CPEB2: variants seen among roughly 807,000 people sequenced by gnomAD.
The protein encoded by CPEB2 is cytoplasmic polyadenylation element binding protein 2, also known as cytoplasmic polyadenylation element-binding protein 2.
Under a neutral mutation model 93.6 loss-of-function variants are expected in CPEB2, and 56 were observed. The ratio of observed to expected loss-of-function variants is 0.60; its 90% CI spans 0.48 to 0.75. CPEB2 has a LOEUF of 0.75. CPEB2 is among the 30% of genes least tolerant of loss of function. CPEB2 has a pLI of 0.00. For synonymous variants in CPEB2, 764 were observed against 586.3 expected (o/e 1.30, Z -4.38); for missense variants, 1,579 against 1,395.1 (o/e 1.13, Z -2.10).
intron 4 of CPEB2, among the ~76,000 whole-genome samples, chr4:15,018,969 T>TATATATATATATATATATAC (rs1479960595): frequency 1.4e-4 from 20 of 139,170 alleles, no homozygotes; most frequent in Non-Finnish European, 2.3e-4. Flanking sequence ...TATATATATA[T>TATATATATATATATATATAC]ACACACGCAC....
At chr4:15,033,072 G>T in intron 4 of CPEB2, 89 bp from the exon 5 acceptor site, 1 of 835,876 alleles carries the variant, frequency 1.2e-6, no homozygotes, top group Non-Finnish European at 2.0e-6. Flanking sequence ...TTCTCTTTAT[G>T]CTGCCTTTGT....
chr4:15,007,621 G>A (rs1723000426), intron 2 of CPEB2, 35 bp downstream of exon 2: 1 of 1,361,150 alleles, frequency 7.3e-7, no homozygotes, highest in Non-Finnish European at 9.8e-7. Context: ...TATCTCTAAT[G>A]TTAATCTTTC....
intron 6 of CPEB2, among the ~76,000 whole-genome samples, chr4:15,051,916 A>T (rs151268846): frequency 2.0e-5 from 3 of 152,350 alleles, no homozygotes; most frequent in Non-Finnish European, 4.4e-5. Flanking sequence ...CTACTGTTTC[A>T]TGTAATTGGC....
intron 4 of CPEB2, among the ~76,000 whole-genome samples, chr4:15,029,967 T>TA (rs1024213170): frequency 1.8e-4 from 28 of 152,098 alleles, no homozygotes; most frequent in African/African-American, 6.5e-4. Context: ...GGGGTACACT[T>TA]ACCTACAAGA....
chr4:15,048,942 C>T (rs1418397815), intron 6 of CPEB2, among the ~76,000 whole-genome samples: 1 of 151,908 alleles, frequency 6.6e-6, no homozygotes, highest in Non-Finnish European at 1.5e-5. Flanking sequence ...AAAGGTCAGA[C>T]TTTGTCAATG....
Position 15,003,812 on chromosome 4 carries a change from G to A in CPEB2, c.1139G>A (p.Gly380Asp). Residue 380 changes from glycine (G) to aspartate (D), a missense_variant, in exon 1 of 12, where the codon GGC becomes GAC. Physicochemically the swap from Gly to Asp is moderately conservative, Grantham distance 94. This residue lies in a region of CPEB2 where 1,411 missense variants were observed against 1,056.0 expected (regional missense o/e 1.34). Transcript: ENST00000538197. Reference sequence around the variant, plus strand: ...TCGCCGCCGCCGCTGCCCGGCTTCGGCACCCCCTGGTCGGTGCAGACCGCG... The same window carrying A: ...TCGCCGCCGCCGCTGCCCGGCTTCGACACCCCCTGGTCGGTGCAGACCGCG... ...SASPPPLPGF[G>D]TPWSVQTASP... The A allele has an allele frequency of 3.0e-6, 3 of 994,740 alleles. No individual in the cohort carries two copies. Among genetic ancestry groups the A allele is most frequent in the Middle Eastern group, 3.8e-4 (1 of 2,606 alleles). 61.6% of individuals were successfully genotyped at this position (994,740 alleles called of 1,614,324 possible).
At chr4:15,041,201 C>T (rs1214816773) in intron 6 of CPEB2, among the ~76,000 whole-genome samples, 1 of 152,058 alleles carries the variant, frequency 6.6e-6, no homozygotes, top group Admixed American at 6.6e-5. Context: ...TTTGCTTCTC[C>T]CTTTTCCATG....
At chr4:15,034,664 G>C (rs560474899) in intron 5 of CPEB2, among the ~76,000 whole-genome samples, 4 of 152,246 alleles carry the variant, frequency 2.6e-5, no homozygotes, top group African/African-American at 9.6e-5. Context: ...ATCAGGAAAA[G>C]AAACAATTTG....
chr4:15,049,162 G>A (rs1727992215), intron 6 of CPEB2, among the ~76,000 whole-genome samples: 1 of 151,924 alleles, frequency 6.6e-6, no homozygotes, highest in Admixed American at 6.6e-5. Flanking sequence ...TGAATACTAA[G>A]TAATATTTTA....
At chr4:15,025,027 G>GTAATT (rs1182860354) in intron 4 of CPEB2, among the ~76,000 whole-genome samples, 4 of 152,064 alleles carry the variant, frequency 2.6e-5, no homozygotes, top group African/African-American at 9.7e-5. Context: ...TTACAGGCAT[G>GTAATT]AGCCACCATG....
intron 3 of CPEB2, among the ~76,000 whole-genome samples, chr4:15,008,872 T>C (rs563484208): frequency 6.6e-6 from 1 of 152,336 alleles, no homozygotes; most frequent in Non-Finnish European, 1.5e-5. Flanking sequence ...AAAAAAGACT[T>C]CTCTTGGTTC....
Position 15,066,355 on chromosome 4 carries a change from G to A in CPEB2, c.3080G>A (p.Arg1027His), listed in dbSNP as rs1174033932. ...GTAAAGGAAGGTGCTGATCGCCCAC[G>A]TCAGATCCACTTCCGCTGGAACTAA... ...PLVKEGADRP[R>H]QIHFRWN The change falls in exon 12 of 12, where the codon CGT becomes CAT. Residue 1027 changes from arginine (R) to histidine (H), a missense_variant. By Grantham distance (29) the Arg-to-His change is conservative (BLOSUM62 0). Around this residue, in one of 2 missense-constraint regions of CPEB2, gnomAD observed 168 missense variants for 339.1 expected, o/e 0.50. Coordinates refer to ENST00000538197, the MANE Select transcript of CPEB2 (RefSeq NM_001177382.2). 8 of 1,609,446 alleles carry A rather than the reference G, an allele frequency of 5.0e-6. No individual in the cohort carries two copies. Among genetic ancestry groups the A allele is most frequent in the African/African-American group, 1.3e-5 (1 of 74,784 alleles).
intron 6 of CPEB2, among the ~76,000 whole-genome samples, chr4:15,047,720 AT>A (rs936237566): frequency 3.3e-4 from 50 of 151,836 alleles, no homozygotes; most frequent in Non-Finnish European, 6.2e-4. Flanking sequence ...ACTTTAAATT[AT>A]TTTTTTCATC....
chr4:15,003,630 C>T lies in CPEB2; in HGVS notation c.957C>T (p.His319=), dbSNP rs1297928008. Residue 319 remains histidine, a synonymous_variant, in exon 1 of 12, where the codon CAC becomes CAT. Transcript: ENST00000538197. The part of the protein sequence containing the change: ...PAPGSMESPN[H]PLLNSPSNLL... ...CGGGCTCCATGGAGTCCCCCAACCACCCTCTGCTCAACAGTCCCAGTAACC... is the reference window on the plus strand; with the variant it reads ...CGGGCTCCATGGAGTCCCCCAACCATCCTCTGCTCAACAGTCCCAGTAACC... 12 of 1,482,378 alleles carry T rather than the reference C, an allele frequency of 8.1e-6. No homozygotes were observed. The South Asian group carries it at 1.3e-4, about 16-fold the overall frequency. The allele number at this position is 1,482,378 out of a possible 1,614,324, so 91.8% of individuals were successfully genotyped here. A position where few individuals can be genotyped will look rare whatever the true frequency, so the allele number is the denominator to read the frequency against.
chr4:15,016,944 G>A (rs572204392), intron 3 of CPEB2, among the ~76,000 whole-genome samples: 73 of 151,928 alleles, frequency 4.8e-4, no homozygotes, highest in African/African-American at 1.7e-3. Context: ...CATTAGTATT[G>A]CCAGTAAAAT....
chr4:15,004,153 G>T lies in CPEB2; in HGVS notation c.1480G>T (p.Ala494Ser). Residue 494 changes from alanine to serine, a missense_variant, in exon 1 of 12, where the codon GCT becomes TCT. Physicochemically the swap from Ala to Ser is moderately conservative, Grantham distance 99. Transcript: ENST00000538197. ...GGGGFGGPFS[A>S]TAVPPPPPPA... is the part of the protein sequence containing the mutation. ...CGGCGGCTTCGGCGGCCCCTTCTCG[G>T]CTACCGCTGTGCCCCCTCCGCCGCC... 6.9e-7 allele frequency: 1 copy of T among 1,456,924 alleles called. No homozygotes were observed. 90.2% of individuals were successfully genotyped at this position (1,456,924 alleles called of 1,614,324 possible).
chr4:15,014,501 G>A (rs1723862431), intron 3 of CPEB2, among the ~76,000 whole-genome samples: 1 of 151,786 alleles, frequency 6.6e-6, no homozygotes. Flanking sequence ...ATCTTCCATT[G>A]GGTGGTTGGA....
chr4:15,057,387 C>A (rs2109093686), intron 8 of CPEB2, among the ~76,000 whole-genome samples: 1 of 152,192 alleles, frequency 6.6e-6, no homozygotes, highest in Non-Finnish European at 1.5e-5. Flanking sequence ...CTATGGTTGA[C>A]AATAAGCTGA....
rs564916263 is a variant in CPEB2 at position 15,017,152 on chromosome 4, A to G, written c.2035-36A>G. 3.0e-5 allele frequency: 36 copies of G among 1,193,908 alleles called. No individual in the cohort carries two copies. The South Asian group carries it at 3.4e-4, about 11-fold the overall frequency. 74.0% of individuals were successfully genotyped at this position (1,193,908 alleles called of 1,614,324 possible). A position where few individuals can be genotyped will look rare whatever the true frequency, so the allele number is the denominator to read the frequency against. The stretch of plus-strand genomic sequence containing the variant: ...TATAATCGCTTTTTGAAAAAACTGC[A>G]TAGATTATAATGTCTTTTTTCCTCT... On this transcript the variant is annotated intron_variant, in intron 3 of 11. Coordinates refer to ENST00000538197, the MANE Select transcript of CPEB2 (RefSeq NM_001177382.2).
Sources: allele counts gnomAD v4.1 joint callset (sites outside exome capture counted in the v4.1 genomes callset), GRCh38; gene constraint gnomAD v4.1.1; regional missense constraint gnomAD v4.1.1; transcripts MANE v1.5; gene names NCBI Gene and HGNC (gene_info 2026-07-23, HGNC 2026-07-21).